The following RBFOX1 variants were observed in gnomAD, a reference collection of about 807,000 sequenced individuals.
RBFOX1 encodes the protein RNA binding fox-1 homolog 1.
In RBFOX1, 8 loss-of-function variants were observed where a neutral mutation model predicts 57.7. The ratio of observed to expected loss-of-function variants is 0.14; its 90% CI spans 0.08 to 0.25. The LOEUF is 0.25. RBFOX1 is among the 10% of genes least tolerant of loss of function. The pLI, the probability that RBFOX1 is intolerant of heterozygous loss-of-function variation, is 1.00. For synonymous variants in RBFOX1, 326 were observed against 222.4 expected, an observed-to-expected ratio of 1.47 and a Z score of -4.15; for missense variants, 611 against 548.5, an observed-to-expected ratio of 1.11 and a Z score of -1.14.
At chr16:6,788,767 G>A (rs2082407389) in intron 3 of RBFOX1, among the ~76,000 whole-genome samples, 1 of 151,760 alleles carries the variant, frequency 6.6e-6, no homozygotes, top group Non-Finnish European at 1.5e-5. Context: ...GAGCGACCGT[G>A]CCCGGCCCCC....
At chr16:6,258,316 A>G (rs562449333) in intron 1 of RBFOX1, among the ~76,000 whole-genome samples, 141 of 151,912 alleles carry the variant, frequency 9.3e-4, no homozygotes, top group African/African-American at 3.3e-3. Flanking sequence ...CAATGACAGC[A>G]AAGATACACT....
At chr16:5,836,883 G>T (rs2056475438) in intron 3 of RBFOX1, among the ~76,000 whole-genome samples, 1 of 152,154 alleles carries the variant, frequency 6.6e-6, no homozygotes, top group East Asian at 1.9e-4. Flanking sequence ...AAGGATCTTA[G>T]CTCCTTACTT....
chr16:7,493,653 G>A (rs2067658995), intron 4 of RBFOX1, among the ~76,000 whole-genome samples: 1 of 152,204 alleles, frequency 6.6e-6, no homozygotes, highest in Non-Finnish European at 1.5e-5. Context: ...GTTGGAGAAA[G>A]AGACCACAAG....
chr16:6,880,902 G>C (rs1027768796), intron 3 of RBFOX1, among the ~76,000 whole-genome samples: 1 of 152,180 alleles, frequency 6.6e-6, no homozygotes, highest in African/African-American at 2.4e-5. Flanking sequence ...TGAAGCTGTT[G>C]AGCTTGAGCA....
chr16:5,417,627 C>A (rs1329538439), intron 1 of RBFOX1, among the ~76,000 whole-genome samples: 1 of 152,114 alleles, frequency 6.6e-6, no homozygotes, highest in African/African-American at 2.4e-5. Context: ...AATGGGATAC[C>A]CTTTGCAAGC....
At chr16:6,077,063 T>A (rs879260626) in intron 1 of RBFOX1, among the ~76,000 whole-genome samples, 10 of 152,200 alleles carry the variant, frequency 6.6e-5, no homozygotes, top group Non-Finnish European at 1.0e-4. Flanking sequence ...ATTTACAGCT[T>A]CGTAAGCCTA....
chr16:5,857,478 G>A (rs1269164589), intron 3 of RBFOX1, among the ~76,000 whole-genome samples: 2 of 152,126 alleles, frequency 1.3e-5, no homozygotes, highest in South Asian at 2.1e-4. Context: ...TGATTAAAGA[G>A]CAAGCAGTGT....
chr16:5,537,413 CA>C (rs2044743464), intron 2 of RBFOX1, among the ~76,000 whole-genome samples: 1 of 152,156 alleles, frequency 6.6e-6, no homozygotes, highest in Admixed American at 6.5e-5. Flanking sequence ...CTTATGCCAA[CA>C]AAAAATTTAT....
At chr16:6,892,088 G>C (rs991402470) in intron 3 of RBFOX1, among the ~76,000 whole-genome samples, 14 of 152,088 alleles carry the variant, frequency 9.2e-5, no homozygotes, top group African/African-American at 2.9e-4. Flanking sequence ...CCATTTCTTA[G>C]TTTCCTTTAC....
At chr16:5,993,571 C>T (rs1222971776) in intron 4 of RBFOX1, among the ~76,000 whole-genome samples, 1 of 152,156 alleles carries the variant, frequency 6.6e-6, no homozygotes, top group East Asian at 1.9e-4. Context: ...GAAATGTTGG[C>T]CATTATTCTA....
intron 5 of RBFOX1, among the ~76,000 whole-genome samples, chr16:7,560,681 C>G (rs2090115132): frequency 6.6e-6 from 1 of 152,100 alleles, no homozygotes; most frequent in African/African-American, 2.4e-5. Flanking sequence ...GGGCGAGTGA[C>G]TTTCTCAGTC....
intron 5 of RBFOX1, among the ~76,000 whole-genome samples, chr16:7,520,690 G>C (rs2077341382): frequency 6.6e-6 from 1 of 152,178 alleles, no homozygotes; most frequent in Admixed American, 6.5e-5. Context: ...AAATGAGTTT[G>C]CTGGTTCAGC....
chr16:7,061,016 G>A (rs1406961173), intron 4 of RBFOX1, among the ~76,000 whole-genome samples: 1 of 119,776 alleles, frequency 8.3e-6, no homozygotes, highest in Non-Finnish European at 1.8e-5. Flanking sequence ...TTTCATGTAT[G>A]TTCTCCTGTG....
At chr16:7,218,683 C>CGTGTGTGTT (rs2092469701) in intron 4 of RBFOX1, among the ~76,000 whole-genome samples, 1 of 83,054 alleles carries the variant, frequency 1.2e-5, no homozygotes, top group Non-Finnish European at 2.4e-5. Context: ...TGTGTGTGTC[C>CGTGTGTGTT]TTTTGTTCCT....
At chr16:5,261,685 G>A (rs1054002958) in intron 1 of RBFOX1, among the ~76,000 whole-genome samples, 2 of 151,988 alleles carry the variant, frequency 1.3e-5, no homozygotes, top group Non-Finnish European at 2.9e-5. Context: ...GAGTAGCTGG[G>A]ACTACAGGCG....
intron 4 of RBFOX1, among the ~76,000 whole-genome samples, chr16:7,237,584 C>G (rs2093833237): frequency 6.6e-6 from 1 of 152,220 alleles, no homozygotes. Flanking sequence ...CCTATGTCAA[C>G]TCTGCCTCTT....
At chr16:6,702,903 C>CA (rs1169479599) in intron 3 of RBFOX1, among the ~76,000 whole-genome samples, 4 of 152,174 alleles carry the variant, frequency 2.6e-5, no homozygotes, top group African/African-American at 9.7e-5. Flanking sequence ...AACTTTGTAC[C>CA]TATGAGACAT....
rs558437379 is a variant in RBFOX1 at position 6,235,855 on chromosome 16, A to C, written c.-126-81140A>C. 2.4e-4 allele frequency among the ~76,000 whole-genome samples: 36 copies of C among 152,196 alleles called. No homozygotes were observed. In the South Asian group the frequency reaches 7.2e-3, roughly 31 times the overall value. On this transcript the variant is annotated intron_variant, in intron 1 of 15. Coordinates refer to ENST00000550418, the MANE Select transcript of RBFOX1 (RefSeq NM_018723.4). Reference sequence around the variant, plus strand: ...ATACAATGGACTCTGGGGACTCAGGAGGAAAGGGTGAGAAAGGGGTGAGGG... The same window carrying C: ...ATACAATGGACTCTGGGGACTCAGGCGGAAAGGGTGAGAAAGGGGTGAGGG...
intron 4 of RBFOX1, among the ~76,000 whole-genome samples, chr16:7,453,601 A>T (rs2150289346): frequency 6.6e-6 from 1 of 152,284 alleles, no homozygotes; most frequent in East Asian, 1.9e-4. Flanking sequence ...ATGAGCAGGC[A>T]CTGTATATAG....
Sources: allele counts gnomAD v4.1 joint callset (sites outside exome capture counted in the v4.1 genomes callset), GRCh38; gene constraint gnomAD v4.1.1; transcripts MANE v1.5; gene names NCBI Gene and HGNC (gene_info 2026-07-23, HGNC 2026-07-21).